The following OSBPL10 variants were observed in gnomAD, a reference collection of about 807,000 sequenced individuals.
OSBPL10 encodes oxysterol binding protein like 10, also known as oxysterol-binding protein-related protein 10.
A neutral mutation model predicts 81.7 loss-of-function variants in OSBPL10; 49 were observed. The ratio of observed to expected loss-of-function variants is 0.60; its 90% CI spans 0.48 to 0.76. The LOEUF (loss-of-function observed/expected upper bound fraction) is 0.76. Among genes scored for constraint, OSBPL10 ranks in the 30% least tolerant of loss-of-function variants. OSBPL10 has a pLI of 0.00. For synonymous variants in OSBPL10, 419 were observed against 383.6 expected (o/e 1.09, Z -1.08); for missense variants, 923 against 987.8 (o/e 0.93, Z 0.88).
chr3:31,679,931 T>G (rs1700593774), intron 8 of OSBPL10, among the ~76,000 whole-genome samples: 1 of 152,178 alleles, frequency 6.6e-6, no homozygotes, highest in African/African-American at 2.4e-5. Flanking sequence ...ATCTTCTCCC[T>G]GCTTTCAATA....
At chr3:32,000,563 C>T (rs1475813155) in intron 2 of OSBPL10, among the ~76,000 whole-genome samples, 2 of 152,198 alleles carry the variant, frequency 1.3e-5, no homozygotes, top group Non-Finnish European at 2.9e-5. Context: ...TTATCTAACA[C>T]ACTCTAAAAG....
chr3:32,030,779 T>C (rs1379807056), intron 2 of OSBPL10: 1 of 600,088 alleles, frequency 1.7e-6, no homozygotes, highest in African/African-American at 1.9e-5. Flanking sequence ...TATTCTCTGT[T>C]TGGAAACACA....
Position 31,915,911 on chromosome 3 carries a change from C to T in OSBPL10, c.282-36081G>A, listed in dbSNP as rs140311958. On this transcript the variant is annotated intron_variant, in intron 1 of 11. Transcript: ENST00000396556. Reference sequence around the variant, plus strand: ...GAGTTCAAGACCAGCCTGACCAATACGGCGAAACCCCGTCTCTACTAAAAA... The same window carrying T: ...GAGTTCAAGACCAGCCTGACCAATATGGCGAAACCCCGTCTCTACTAAAAA... 8.2e-3 allele frequency among the ~76,000 whole-genome samples: 1,252 copies of T among 151,860 alleles called. 20 individuals carry two copies. Among genetic ancestry groups the T allele is most frequent in the African/African-American group, 0.024 (1,010 of 41,398 alleles).
At chr3:31,796,411 C>T (rs993130878) in intron 4 of OSBPL10, among the ~76,000 whole-genome samples, 1 of 151,890 alleles carries the variant, frequency 6.6e-6, no homozygotes, top group Non-Finnish European at 1.5e-5. Flanking sequence ...TTAGAGCATA[C>T]GGGAGGATGT....
intron 3 of OSBPL10, among the ~76,000 whole-genome samples, chr3:31,861,847 AG>A (rs1384093280): frequency 1.3e-5 from 2 of 152,066 alleles, no homozygotes; most frequent in African/African-American, 4.8e-5. Flanking sequence ...ACTTGTCTGG[AG>A]GGGTCACGAA....
At chr3:31,672,960 A>G (rs188810565) in intron 8 of OSBPL10, among the ~76,000 whole-genome samples, 120 of 152,300 alleles carry the variant, frequency 7.9e-4, no homozygotes, top group Middle Eastern at 3.4e-3. Context: ...CACAAACAGC[A>G]TAAGTCCACT....
chr3:32,010,460 G>C (rs566126190), intron 2 of OSBPL10, among the ~76,000 whole-genome samples: 4 of 152,154 alleles, frequency 2.6e-5, no homozygotes, highest in African/African-American at 9.7e-5. Flanking sequence ...AAAAGGGGGG[G>C]CAGTTCCAAG....
At chr3:31,969,070 A>G (rs1015673110) in intron 1 of OSBPL10, among the ~76,000 whole-genome samples, 2 of 152,230 alleles carry the variant, frequency 1.3e-5, no homozygotes, top group African/African-American at 4.8e-5. Flanking sequence ...CTGTGTGGTT[A>G]GCCAAGGGGA....
intron 8 of OSBPL10, among the ~76,000 whole-genome samples, chr3:31,678,238 C>T (rs72857944): frequency 0.11 from 16,119 of 152,122 alleles, 1,252 homozygotes; most frequent in African/African-American, 0.22. Flanking sequence ...GCCCCGTTGA[C>T]GGTGTGGCTT....
rs530532436 is a variant in OSBPL10, at chr3:31,881,316, A to G, written c.282-1486T>C. ...TAAAGAAAAAAACCTACTAAATCCCACGTTTCTCCATCCATGCATCAAAGC... is the reference window on the plus strand; with the variant it reads ...TAAAGAAAAAAACCTACTAAATCCCGCGTTTCTCCATCCATGCATCAAAGC... On this transcript the variant is annotated intron_variant, in intron 1 of 11. Transcript: ENST00000396556. 2.0e-5 allele frequency among the ~76,000 whole-genome samples: 3 copies of G among 152,162 alleles called. No homozygotes were observed. The South Asian group carries it at 6.2e-4, about 32-fold the overall frequency.
At chr3:31,741,271 A>C (rs1052941668) in intron 5 of OSBPL10, among the ~76,000 whole-genome samples, 1 of 152,182 alleles carries the variant, frequency 6.6e-6, no homozygotes, top group East Asian at 1.9e-4. Flanking sequence ...GTTTTCTTTT[A>C]TTTTTATTTT....
intron 6 of OSBPL10, chr3:31,704,117 T>C (rs1047876143): frequency 7.9e-5 from 12 of 152,432 alleles, no homozygotes; most frequent in Admixed American, 2.0e-4. Flanking sequence ...GCTGCGTGAC[T>C]GCTCCTGGTG....
At chr3:31,747,801 A>G in intron 5 of OSBPL10, 109 bp downstream of exon 5, 1 of 1,143,130 alleles carries the variant, frequency 8.7e-7, no homozygotes, top group East Asian at 2.4e-5. Context: ...ATATAAGGAT[A>G]GATGGATGGA....
At position 32,038,862 on chromosome 3, in the gene OSBPL10, G is replaced by A. The variant is rs116648475; in HGVS notation, n.298+7629C>T. Among the ~76,000 whole-genome samples, 352 of 152,202 alleles carry A rather than the reference G, an allele frequency of 2.3e-3. 5 individuals carry two copies. The highest frequency in any genetic ancestry group is 7.8e-3 in the African/African-American group (323 of 41,524). ...TAACCTAATAAAGCAGTTCCGAAAAGCAAATCCTAGGCAAGAAAAGTAAAA... is the reference window on the plus strand; with the variant it reads ...TAACCTAATAAAGCAGTTCCGAAAAACAAATCCTAGGCAAGAAAAGTAAAA... On this transcript the variant is annotated intron_variant and non_coding_transcript_variant, in intron 2 of 3. Transcript: ENST00000479173.
intron 7 of OSBPL10, among the ~76,000 whole-genome samples, chr3:31,695,166 G>C: frequency 6.6e-6 from 1 of 152,312 alleles, no homozygotes; most frequent in East Asian, 1.9e-4. Flanking sequence ...GCCACAGTCT[G>C]CATCCCCCAC....
intron 1 of OSBPL10, among the ~76,000 whole-genome samples, chr3:31,888,843 G>A (rs532399763): frequency 3.3e-5 from 5 of 152,264 alleles, no homozygotes; most frequent in Admixed American, 1.3e-4. Context: ...AGAATCACTC[G>A]AACCTGAGAG....
chr3:31,899,614 G>C (rs926063687), intron 1 of OSBPL10, among the ~76,000 whole-genome samples: 4 of 152,152 alleles, frequency 2.6e-5, no homozygotes, highest in Non-Finnish European at 5.9e-5. Context: ...AGAACCACTG[G>C]AACCCAGGAG....
rs182560805 is a variant in OSBPL10, at chr3:31,898,538, A to G, written c.282-18708T>C. Among the ~76,000 whole-genome samples the G allele has an allele frequency of 7.5e-4, 114 of 151,836 alleles. 3 individuals carry two copies. Among genetic ancestry groups the G allele is most frequent in the African/African-American group, 2.6e-3 (106 of 41,422 alleles). On this transcript the variant is annotated intron_variant, in intron 1 of 11. Coordinates refer to ENST00000396556, the MANE Select transcript of OSBPL10 (RefSeq NM_017784.5). ...GGCAGGAGGATCATTTGAGCCCAGG[A>G]GTTCGAGACCAGCCTGGGCAACATA...
chr3:31,919,906 T>C (rs544928113), intron 1 of OSBPL10, among the ~76,000 whole-genome samples: 10 of 152,328 alleles, frequency 6.6e-5, no homozygotes, highest in East Asian at 1.9e-4. Context: ...CTGTGAAACA[T>C]GGACGTGTTG....
Sources: gnomAD v4.1 joint callset for allele counts (sites outside exome capture counted in the v4.1 genomes callset) on GRCh38, gnomAD v4.1.1 for gene constraint, MANE v1.5 for transcripts, NCBI Gene and HGNC (gene_info 2026-07-23, HGNC 2026-07-21) for gene names.